The following STAMBPL1 variants were observed in gnomAD, a reference collection of about 807,000 sequenced individuals.
STAMBPL1 encodes STAM binding protein like 1.
Under a neutral mutation model 52.9 loss-of-function variants are expected in STAMBPL1, and 44 were observed. That is an observed-to-expected ratio of 0.83 (90% CI 0.65 to 1.07). The LOEUF (loss-of-function observed/expected upper bound fraction) is 1.07. Among genes scored for constraint, STAMBPL1 ranks in the 50% least tolerant of loss-of-function variants. STAMBPL1 has a pLI of 0.00. For missense variants in STAMBPL1, 511 were observed against 520.8 expected (o/e 0.98, Z 0.18); for synonymous variants, 164 against 177.3 (o/e 0.92, Z 0.60).
Position 88,921,390 on chromosome 10 carries a change from T to C in STAMBPL1, c.1149T>C (p.His383=), listed in dbSNP as rs377199878. 8 of 1,611,920 alleles carry C rather than the reference T, an allele frequency of 5.0e-6. No individual in the cohort carries two copies. The highest frequency in any genetic ancestry group is 1.6e-4 in the Middle Eastern group (1 of 6,072). ...TTGCCATTGTTTGCTCACCAAAGCA[T>C]AAAGAGTAAGTGTAACTCTTCAGGG... ...EAIAIVCSPK[H]KDTGIFRLTN... is the part of the protein sequence containing the mutation. The change falls in exon 9 of 11, where the codon CAT becomes CAC. Residue 383 remains histidine (H), a synonymous_variant. Coordinates refer to ENST00000371926, the MANE Select transcript of STAMBPL1 (RefSeq NM_020799.4).
chr10:88,916,948 T>G, intron 8 of STAMBPL1, 131 bp downstream of exon 8: 1 of 964,972 alleles, frequency 1.0e-6, no homozygotes, highest in Non-Finnish European at 1.5e-6. Flanking sequence ...AGGTTGTCAT[T>G]TAAGTAGTGG....
intron 8 of STAMBPL1, among the ~76,000 whole-genome samples, chr10:88,920,967 G>T (rs181563794): frequency 2.6e-5 from 4 of 152,176 alleles, no homozygotes; most frequent in Admixed American, 2.6e-4. Context: ...AATAAAATAA[G>T]TATCTCATAA....
chr10:88,914,470 A>G (rs943413350), intron 6 of STAMBPL1, 64 bp from the exon 7 acceptor site: 4 of 1,308,412 alleles, frequency 3.1e-6, no homozygotes, highest in Admixed American at 2.9e-5. Context: ...TTTGCCAATA[A>G]CAATTTTGAA....
chr10:88,922,485 C>A (rs1232302142), intron 10 of STAMBPL1, 49 bp downstream of exon 10: 1 of 1,536,668 alleles, frequency 6.5e-7, no homozygotes, highest in Non-Finnish European at 9.0e-7. Flanking sequence ...TGTTCACTGC[C>A]CCCCCAATCT....
At chr10:88,902,831 A>G (rs1002419677) in intron 2 of STAMBPL1, among the ~76,000 whole-genome samples, 1 of 152,160 alleles carries the variant, frequency 6.6e-6, no homozygotes, top group Non-Finnish European at 1.5e-5. Context: ...GGCCTCCCAG[A>G]TTGCTGGGAT....
intron 1 of STAMBPL1, among the ~76,000 whole-genome samples, chr10:88,884,453 A>G (rs576847249): frequency 8.5e-5 from 13 of 152,316 alleles, no homozygotes; most frequent in African/African-American, 3.1e-4. Flanking sequence ...ACACTTTGGC[A>G]GTTGGGTGGA....
intron 2 of STAMBPL1, among the ~76,000 whole-genome samples, chr10:88,904,482 C>G (rs1342365798): frequency 2.6e-5 from 4 of 152,118 alleles, no homozygotes; most frequent in African/African-American, 7.2e-5. Flanking sequence ...CACCCACTTG[C>G]TTTTATAAAT....
chr10:88,923,197 A>G lies in STAMBPL1; in HGVS notation c.1284A>G (p.Ile428Met), dbSNP rs752536824. Reference sequence around the variant, plus strand: ...GCAAACATGTGTTGGTAAAAGACATAAAAATAATTGTGTTGGATCTGAGGT... The same window carrying G: ...GCAAACATGTGTTGGTAAAAGACATGAAAATAATTGTGTTGGATCTGAGGT... ...SICKHVLVKD[I>M]KIIVLDLR The change falls in exon 11 of 11, where the codon ATA (isoleucine) becomes ATG (methionine). Residue 428 changes from isoleucine (I) to methionine (M), a missense_variant. Transcript: ENST00000371926. 6.2e-7 allele frequency: 1 copy of G among 1,606,550 alleles called. No homozygotes were observed. Among genetic ancestry groups the G allele is most frequent in the East Asian group, 2.3e-5 (1 of 44,340 alleles).
intron 1 of STAMBPL1, among the ~76,000 whole-genome samples, chr10:88,886,366 C>T (rs1844533182): frequency 6.6e-6 from 1 of 152,168 alleles, no homozygotes; most frequent in South Asian, 2.1e-4. Context: ...TGAAATCTCA[C>T]CCTTAAAAAT....
At chr10:88,919,938 C>T (rs977037939) in intron 8 of STAMBPL1, among the ~76,000 whole-genome samples, 1 of 151,798 alleles carries the variant, frequency 6.6e-6, no homozygotes. Flanking sequence ...CTGGCTCAAG[C>T]GCTCCTCTCA....
At chr10:88,902,875 GT>G (rs1844980916) in intron 2 of STAMBPL1, among the ~76,000 whole-genome samples, 1 of 152,032 alleles carries the variant, frequency 6.6e-6, no homozygotes, top group African/African-American at 2.4e-5. Context: ...GGCCCCTAAT[GT>G]TTTTTCTTGA....
chr10:88,910,801 G>T, intron 4 of STAMBPL1, 115 bp from the exon 5 acceptor site: 1 of 628,586 alleles, frequency 1.6e-6, no homozygotes, highest in Non-Finnish European at 2.7e-6. Context: ...ATCATCTTTG[G>T]TTACTCATGA....
chr10:88,891,623 T>G (rs1844686900), intron 1 of STAMBPL1, among the ~76,000 whole-genome samples: 1 of 152,194 alleles, frequency 6.6e-6, no homozygotes, highest in Non-Finnish European at 1.5e-5. Context: ...AACATATGTC[T>G]CCTGATACAT....
intron 1 of STAMBPL1, among the ~76,000 whole-genome samples, chr10:88,885,379 A>G (rs1429585881): frequency 9.2e-5 from 14 of 152,188 alleles, no homozygotes. Flanking sequence ...TTTTGTAAGT[A>G]ATGTTTTTAT....
chr10:88,884,784 C>T (rs1844488784), intron 1 of STAMBPL1, among the ~76,000 whole-genome samples: 2 of 152,168 alleles, frequency 1.3e-5, no homozygotes, highest in South Asian at 4.1e-4. Flanking sequence ...TGTACTAAGC[C>T]TTAACACAAG....
At chr10:88,891,877 T>G (rs1184214441) in intron 1 of STAMBPL1, among the ~76,000 whole-genome samples, 1 of 152,188 alleles carries the variant, frequency 6.6e-6, no homozygotes, top group African/African-American at 2.4e-5. Flanking sequence ...AATAAATAAA[T>G]TTATTTGGAG....
At chr10:88,919,830 C>T (rs1185228709) in intron 8 of STAMBPL1, among the ~76,000 whole-genome samples, 3 of 150,560 alleles carry the variant, frequency 2.0e-5, no homozygotes, top group East Asian at 2.0e-4. Flanking sequence ...CGAAAAAAAA[C>T]GTTGTCTTGC....
chr10:88,893,277 G>A (rs1314359673), intron 1 of STAMBPL1, among the ~76,000 whole-genome samples: 2 of 152,170 alleles, frequency 1.3e-5, no homozygotes, highest in Non-Finnish European at 2.9e-5. Context: ...TTAGCACATT[G>A]ATGAGCATAT....
chr10:88,883,103 T>C (rs1262164717), intron 1 of STAMBPL1, among the ~76,000 whole-genome samples: 1 of 147,640 alleles, frequency 6.8e-6, no homozygotes, highest in Non-Finnish European at 1.5e-5. Flanking sequence ...AGTGAGAACA[T>C]GCGGTGTTTG....
Sources: gnomAD v4.1 joint callset for allele counts (sites outside exome capture counted in the v4.1 genomes callset) on GRCh38, gnomAD v4.1.1 for gene constraint, MANE v1.5 for transcripts, NCBI Gene and HGNC (gene_info 2026-07-23, HGNC 2026-07-21) for gene names.